Variants in DNAH17 observed in about 807,000 individuals in gnomAD.
DNAH17 encodes the protein dynein axonemal heavy chain 17, also known as axonemal beta dynein heavy chain 17.
A neutral mutation model predicts 485.6 loss-of-function variants in DNAH17; 376 were observed. That is an observed-to-expected ratio of 0.77 (90% confidence interval 0.71 to 0.84). The LOEUF is 0.84. DNAH17 is among the 40% of genes least tolerant of loss of function. The pLI, the probability that DNAH17 is intolerant of heterozygous loss-of-function variation, is 0.00. For missense variants in DNAH17, 6,370 were observed against 5,839.3 expected (o/e 1.09, Z -2.96); for synonymous variants, 3,031 against 2,405.9 (o/e 1.26, Z -7.60).
intron 56 of DNAH17, among the ~76,000 whole-genome samples, chr17:78,463,535 T>A (rs549868133): frequency 6.6e-6 from 1 of 152,318 alleles, no homozygotes; most frequent in Admixed American, 6.5e-5. Flanking sequence ...TATGTACACG[T>A]GCACATGCAT....
Position 78,423,889 on chromosome 17 carries a change from T to G in DNAH17, c.*17A>C. 6.2e-7 allele frequency: 1 copy of G among 1,613,396 alleles called. No individual in the cohort carries two copies. Among genetic ancestry groups the G allele is most frequent in the African/African-American group, 1.3e-5 (1 of 75,056 alleles). The stretch of plus-strand genomic sequence containing the variant: ...TGGTCCAGCCCCAGGGAGTGTGGGC[T>G]GTGAGGCAGGAGCGAGCTAAACCTG... On this transcript the variant is annotated 3_prime_UTR_variant, in exon 81 of 81. Transcript: ENST00000389840.
rs66475426 is a variant in DNAH17, at chr17:78,537,191, G to GAAAA, written c.2859+104_2859+107dup. 2,767 of 1,175,318 alleles carry GAAAA rather than the reference G, an allele frequency of 2.4e-3. 57 individuals carry two copies. The African/African-American group carries it at 0.041, about 17-fold the overall frequency. 72.8% of individuals were successfully genotyped at this position (1,175,318 alleles called of 1,614,324 possible). On this transcript the variant is annotated intron_variant, in intron 19 of 80. Transcript: ENST00000389840. ...AGATTCCGTCTCAAAAAAAAAAAAA[G>GAAAA]AAAAAAAGAAAAGGTAAACGGCGAA...
Position 78,450,799 on chromosome 17 carries a change from C to A in DNAH17, c.10782G>T (p.Glu3594Asp). The change falls in exon 67 of 81, where the codon GAG (glutamate) becomes GAT (aspartate). Residue 3594 changes from glutamate (E) to aspartate (D), a missense_variant. Physicochemically the swap from Glu to Asp is conservative, Grantham distance 45 (BLOSUM62 2). Transcript: ENST00000389840. Reference sequence around the variant, plus strand: ...GACGGGCCAGGAGCGAATCTTCCAGCTCTTTCAGAACAATCTTAAATTCGT... The same window carrying A: ...GACGGGCCAGGAGCGAATCTTCCAGATCTTTCAGAACAATCTTAAATTCGT... ...SQNEFKIVLK[E>D]LEDSLLARLS... 6.2e-7 allele frequency: 1 copy of A among 1,614,062 alleles called. No homozygotes were observed. Among genetic ancestry groups the A allele is most frequent in the Non-Finnish European group, 8.5e-7 (1 of 1,179,910 alleles).
At chr17:78,575,358 G>A (rs1432903546) in intron 1 of DNAH17, among the ~76,000 whole-genome samples, 2 of 152,214 alleles carry the variant, frequency 1.3e-5, no homozygotes, top group Admixed American at 1.3e-4. Flanking sequence ...CAGAGGATGG[G>A]AAAGATAGAG....
In DNAH17 at chr17:78,557,636, C is replaced by CAAAAAAAAAAAAA. The variant is rs34251460; in HGVS notation, c.2178+459_2178+471dup. ...CCTGGGTGACAGAGTGAGACTGTCTCAAAAAAAAAAAAAAAAAAAAAAAAA... is the reference window on the plus strand; with the variant it reads ...CCTGGGTGACAGAGTGAGACTGTCTCAAAAAAAAAAAAAAAAAAAAAAAAAAAAAAAAAAAAAA... On this transcript the variant is annotated intron_variant, in intron 14 of 80. Transcript: ENST00000389840. 3.0e-3 allele frequency among the ~76,000 whole-genome samples: 86 copies of CAAAAAAAAAAAAA among 29,030 alleles called. 4 individuals carry two copies. Among genetic ancestry groups the CAAAAAAAAAAAAA allele is most frequent in the East Asian group, 0.013 (8 of 604 alleles). 19.0% of individuals were successfully genotyped at this position (29,030 alleles called of 152,430 possible).
intron 37 of DNAH17, among the ~76,000 whole-genome samples, chr17:78,498,178 AATAAATAAATAAAT>A (rs1452536360): frequency 2.4e-4 from 37 of 151,628 alleles, no homozygotes; most frequent in South Asian, 1.0e-3. Flanking sequence ...TAAATAAATA[AATAAATAAATAAAT>A]AAAGCAGGCT....
At chr17:78,499,369 C>A in intron 36 of DNAH17, 1 of 345,586 alleles carries the variant, frequency 2.9e-6, no homozygotes. Context: ...TTCCTGGAGT[C>A]CCTAATAAGG....
chr17:78,529,521 A>G lies in DNAH17; in HGVS notation c.3458T>C (p.Leu1153Pro). ...TGGCATCTCCTCCCCGTAGGTCTTG[A>G]GCAGCTCGATGGTTTGCTTCAGGGG... ...FEPLKQTIEL[L>P]KTYGEEMPEE... Residue 1153 changes from leucine to proline, a missense_variant, in exon 22 of 81, where the codon CTC becomes CCC. Transcript: ENST00000389840. 1 of 1,613,716 alleles carries G rather than the reference A, an allele frequency of 6.2e-7. No individual in the cohort carries two copies. Among genetic ancestry groups the G allele is most frequent in the Admixed American group, 1.7e-5 (1 of 60,000 alleles).
chr17:78,492,746 T>C lies in DNAH17; in HGVS notation c.6428A>G (p.Lys2143Arg). The change falls in exon 42 of 81, where the codon AAG (lysine) becomes AGG (arginine). Residue 2143 changes from lysine (K) to arginine (R), a missense_variant. By Grantham distance (26) the Lys-to-Arg change is conservative (BLOSUM62 2). Coordinates refer to ENST00000389840, the MANE Select transcript of DNAH17 (RefSeq NM_173628.4). ...CTTCCTCTTCAGGTTCTGATAGGTCTTGTTGAGGGATTTGAGGACCTGGCG... is the reference window on the plus strand; with the variant it reads ...CTTCCTCTTCAGGTTCTGATAGGTCCTGTTGAGGGATTTGAGGACCTGGCG... ...GKSQVLKSLN[K>R]TYQNLKRKPV... The C allele has an allele frequency of 6.2e-7, 1 of 1,612,504 alleles. No individual in the cohort carries two copies. The highest frequency in any genetic ancestry group is 1.1e-5 in the South Asian group (1 of 90,732).
rs757435177 is a variant in DNAH17 at position 78,466,825 on chromosome 17, G to A, written c.8779-9C>T. 1.3e-6 allele frequency: 2 copies of A among 1,568,334 alleles called. No individual in the cohort carries two copies. Among genetic ancestry groups the A allele is most frequent in the South Asian group, 2.4e-5 (2 of 84,828 alleles). Reference sequence around the variant, plus strand: ...GAGAAACACAGGATCACCTGGGTGTGGGAGACACAGATGCGCTGCCTACTG... The same window carrying A: ...GAGAAACACAGGATCACCTGGGTGTAGGAGACACAGATGCGCTGCCTACTG... On this transcript the variant is annotated splice_polypyrimidine_tract_variant and intron_variant, in intron 55 of 80. Transcript: ENST00000389840.
Position 78,451,462 on chromosome 17 carries a change from C to T in DNAH17, c.10734+7G>A. The T allele has an allele frequency of 6.2e-7, 1 of 1,603,666 alleles. No individual in the cohort carries two copies. Among genetic ancestry groups the T allele is most frequent in the Non-Finnish European group, 8.5e-7 (1 of 1,175,176 alleles). On this transcript the variant is annotated splice_region_variant and intron_variant, in intron 66 of 80. Transcript: ENST00000389840. ...TCCTCCCGTGTGACCAAACTTCAGG[C>T]CATTACCTTCAGCTGTTCCAGATCT...
At position 78,455,770 on chromosome 17, in the gene DNAH17, CT is replaced by C; in HGVS notation, c.10043del (p.Gln3348ArgfsTer30). 1 of 1,613,594 alleles carries C rather than the reference CT, an allele frequency of 6.2e-7. No homozygotes were observed. On this transcript the variant is annotated frameshift_variant, in exon 63 of 81. Coordinates refer to ENST00000389840, the MANE Select transcript of DNAH17 (RefSeq NM_173628.4). LOFTEE classifies it high-confidence loss of function. Reference protein sequence around the residue: ...WAESVENFRSQGVTLCGDVLL... With the variant: ...WAESVENFRSXGVTLCGDVLL... ...GGACGTCCCCACACAGCGTGACCCC[CT>C]GGCTCCTGAAGTTCTCCACAGACTC...
At chr17:78,554,913 A>AT (rs1011352134) in intron 14 of DNAH17, among the ~76,000 whole-genome samples, 27 of 152,076 alleles carry the variant, frequency 1.8e-4, no homozygotes, top group African/African-American at 6.5e-4. Flanking sequence ...AGCCCAGGTA[A>AT]TTTTTTTATT....
At chr17:78,485,353 G>T (rs769100094) in intron 47 of DNAH17, among the ~76,000 whole-genome samples, 197 bp downstream of exon 47, 1 of 152,166 alleles carries the variant, frequency 6.6e-6, no homozygotes, top group Non-Finnish European at 1.5e-5. Flanking sequence ...GCCCACAAGG[G>T]AGCACCAGAA....
At chr17:78,560,459 T>G (rs2092127340) in intron 13 of DNAH17, among the ~76,000 whole-genome samples, 1 of 149,782 alleles carries the variant, frequency 6.7e-6, no homozygotes, top group Non-Finnish European at 1.5e-5. Context: ...TGCATTTATC[T>G]AGATTCGGCA....
chr17:78,501,729 G>A lies in DNAH17; in HGVS notation c.5322+13C>T, dbSNP rs77262614. ...TGCCCTTCCCCTGGCCCCTGGGACAGGGGCGCTCATGCCTTGGCCACGATC... is the reference window on the plus strand; with the variant it reads ...TGCCCTTCCCCTGGCCCCTGGGACAAGGGCGCTCATGCCTTGGCCACGATC... On this transcript the variant is annotated intron_variant, in intron 34 of 80. Coordinates refer to ENST00000389840, the MANE Select transcript of DNAH17 (RefSeq NM_173628.4). The A allele has an allele frequency of 6.2e-7, 1 of 1,611,166 alleles. No homozygotes were observed. The highest frequency in any genetic ancestry group is 8.5e-7 in the Non-Finnish European group (1 of 1,179,522).
At chr17:78,569,935 G>A (rs190981873) in intron 7 of DNAH17, among the ~76,000 whole-genome samples, 9 of 136,126 alleles carry the variant, frequency 6.6e-5, no homozygotes, top group Admixed American at 5.6e-4. Context: ...TAAGGGAGAC[G>A]GAAGGTGGTT....
At chr17:78,430,923 C>CA (rs1421230913) in intron 75 of DNAH17, among the ~76,000 whole-genome samples, 2 of 152,212 alleles carry the variant, frequency 1.3e-5, no homozygotes, top group Non-Finnish European at 2.9e-5. Flanking sequence ...TTCCATGTCC[C>CA]AGGCTGGAGT....
intron 47 of DNAH17, chr17:78,485,288 G>A: frequency 1.6e-6 from 1 of 623,484 alleles, no homozygotes; most frequent in Non-Finnish European, 2.8e-6. Context: ...TAGATTGGCT[G>A]AGACACTCCC....
Sources: gnomAD v4.1 joint callset for allele counts (sites outside exome capture counted in the v4.1 genomes callset) on GRCh38, gnomAD v4.1.1 for gene constraint, MANE v1.5 for transcripts, NCBI Gene and HGNC (gene_info 2026-07-23, HGNC 2026-07-21) for gene names.